Variants in HTR2C observed in about 807,000 individuals in gnomAD.
HTR2C encodes the protein 5-hydroxytryptamine (serotonin) receptor 2C, G protein-coupled.
Under a neutral mutation model 21.0 loss-of-function variants are expected in HTR2C, and 5 were observed. The ratio of observed to expected loss-of-function variants is 0.24; its 90% CI spans 0.12 to 0.50. The LOEUF (loss-of-function observed/expected upper bound fraction) is 0.50, where lower values mean the gene tolerates loss of function less well. HTR2C is among the 20% of genes least tolerant of loss of function. The probability of loss-of-function intolerance (pLI) is 0.98; values close to 1 mark genes in which losing one functional copy is unlikely to be tolerated. For synonymous variants in HTR2C, 150 were observed against 145.3 expected (o/e 1.03, Z -0.23); for missense variants, 271 against 371.2 (o/e 0.73, Z 2.22).
At chrX:114,710,667 T>G (rs1445386710) in intron 2 of HTR2C, among the ~76,000 whole-genome samples, 1 of 111,867 alleles carries the variant, frequency 8.9e-6, no homozygotes, top group African/African-American at 3.2e-5. Context: ...TTTAATAGTT[T>G]TTCTTGTTGA....
At chrX:114,610,846 C>T (rs1445718872) in intron 1 of HTR2C, among the ~76,000 whole-genome samples, 1 of 111,052 alleles carries the variant, frequency 9.0e-6, no homozygotes, top group Admixed American at 9.6e-5. Flanking sequence ...ATGATAGATG[C>T]AAAATGTTAA....
intron 4 of HTR2C, among the ~76,000 whole-genome samples, chrX:114,757,762 CAATTTCAATTTGCAATCATCATTTT>C (rs2069827891): frequency 8.9e-6 from 1 of 111,997 alleles, no homozygotes; most frequent in Admixed American, 9.5e-5. Flanking sequence ...TTATATTCTA[CAATTTCAATTTGCAATCATCATTTT>C]ATTGTTTAAC....
rs1211272169 is a variant in HTR2C at position 114,638,632 on chromosome X, G to A, written c.-80+24751G>A. Among the ~76,000 whole-genome samples the A allele has an allele frequency of 2.8e-3, 287 of 102,524 alleles. 1 individual carries two copies. The highest frequency in any genetic ancestry group is 3.6e-3 in the Non-Finnish European group (180 of 50,346). 89.0% of individuals were successfully genotyped at this position (102,524 alleles called of 115,157 possible). A position where few individuals can be genotyped will look rare whatever the true frequency, so the allele number is the denominator to read the frequency against. On this transcript the variant is annotated intron_variant, in intron 2 of 5. Transcript: ENST00000276198. ...GCTGGTGCACTGCACCCACTAGCTC[G>A]TCATCTAGCATTAGGTATATCTCCC...
intron 2 of HTR2C, among the ~76,000 whole-genome samples, chrX:114,692,279 T>C (rs1476812213): frequency 8.9e-6 from 1 of 112,001 alleles, no homozygotes; most frequent in African/African-American, 3.2e-5. Context: ...CCCACTCATT[T>C]CATAATAAGA....
chrX:114,676,568 C>A (rs1931569823), intron 2 of HTR2C, among the ~76,000 whole-genome samples: 1 of 112,160 alleles, frequency 8.9e-6, no homozygotes, highest in Non-Finnish European at 1.9e-5. Context: ...TTGTAATCTG[C>A]AAGAGTAACA....
At chrX:114,759,526 A>T (rs1303337132) in intron 4 of HTR2C, among the ~76,000 whole-genome samples, 1 of 112,272 alleles carries the variant, frequency 8.9e-6, no homozygotes, top group East Asian at 2.8e-4. Context: ...TATAAATTGC[A>T]TCTATAAAAA....
rs186489399 is a variant in HTR2C, at chrX:114,613,841, C to A, written c.-120C>A. 1.6e-3 allele frequency: 176 copies of A among 111,466 alleles called. No homozygotes were observed. Among genetic ancestry groups the A allele is most frequent in the African/African-American group, 5.6e-3 (170 of 30,557 alleles). 9.2% of individuals were successfully genotyped at this position (111,466 alleles called of 1,213,427 possible). ...GTTATCAGCTAACACCCGCGAGCAT[C>A]TATAACATAGGCCAACTGACGCCAT... On this transcript the variant is annotated 5_prime_UTR_variant, in exon 2 of 6. Coordinates refer to ENST00000276198, the MANE Select transcript of HTR2C (RefSeq NM_000868.4).
chrX:114,757,034 A>C (rs1263466996), intron 4 of HTR2C, among the ~76,000 whole-genome samples: 4 of 111,549 alleles, frequency 3.6e-5, no homozygotes, highest in Non-Finnish European at 7.5e-5. Flanking sequence ...GTGAGGAATA[A>C]TACATAGAAA....
chrX:114,739,374 T>C (rs1222880885), intron 4 of HTR2C, among the ~76,000 whole-genome samples: 2 of 111,834 alleles, frequency 1.8e-5, no homozygotes, highest in East Asian at 5.6e-4. Context: ...TATCTCACAC[T>C]TCATAAGAAA....
At chrX:114,895,143 GA>G (rs1197473859) in intron 5 of HTR2C, among the ~76,000 whole-genome samples, 1 of 112,110 alleles carries the variant, frequency 8.9e-6, no homozygotes, top group Non-Finnish European at 1.9e-5. Flanking sequence ...GAAGCATATA[GA>G]AAGTGTACAT....
intron 2 of HTR2C, among the ~76,000 whole-genome samples, chrX:114,681,666 A>G (rs960100161): frequency 9.0e-6 from 1 of 111,538 alleles, no homozygotes; most frequent in Non-Finnish European, 1.9e-5. Context: ...AATGTGAAAA[A>G]CACTCTTTTG....
intron 2 of HTR2C, among the ~76,000 whole-genome samples, chrX:114,631,124 C>T (rs1929602159): frequency 9.0e-6 from 1 of 110,831 alleles, no homozygotes; most frequent in Non-Finnish European, 1.9e-5. Flanking sequence ...GCCAACGTGG[C>T]GAAACCCGTC....
intron 2 of HTR2C, among the ~76,000 whole-genome samples, chrX:114,675,274 C>CA (rs1429092861): frequency 9.0e-6 from 1 of 111,335 alleles, no homozygotes; most frequent in Non-Finnish European, 1.9e-5. Context: ...TAAAAATAGA[C>CA]AATAAAACCC....
At chrX:114,786,783 C>G (rs782658990) in intron 4 of HTR2C, among the ~76,000 whole-genome samples, 3 of 111,372 alleles carry the variant, frequency 2.7e-5, no homozygotes, top group African/African-American at 6.5e-5. Context: ...ATCACATAGT[C>G]CAGTGTAACA....
At chrX:114,797,315 CT>C (rs1569494883) in intron 4 of HTR2C, among the ~76,000 whole-genome samples, 1 of 111,249 alleles carries the variant, frequency 9.0e-6, no homozygotes, top group African/African-American at 3.3e-5. Context: ...ATATTTTTGT[CT>C]CTCTATATCT....
intron 2 of HTR2C, among the ~76,000 whole-genome samples, chrX:114,621,487 G>A (rs1192235204): frequency 2.7e-5 from 3 of 111,485 alleles, no homozygotes; most frequent in African/African-American, 6.5e-5. Context: ...TTTTTCAATC[G>A]TATAAAAACA....
chrX:114,807,393 C>A lies in HTR2C; in HGVS notation c.350-40610C>A, dbSNP rs12385187. ...TCTATACCATATATATACGCCATATCTATACCATATATATACGCCATATCT... is the reference window on the plus strand; with the variant it reads ...TCTATACCATATATATACGCCATATATATACCATATATATACGCCATATCT... On this transcript the variant is annotated intron_variant, in intron 4 of 5. Transcript: ENST00000276198. 2.2e-4 allele frequency among the ~76,000 whole-genome samples: 5 copies of A among 22,989 alleles called. 1 individual carries two copies. The highest frequency in any genetic ancestry group is 7.0e-4 in the African/African-American group (5 of 7,188). 20.0% of individuals were successfully genotyped at this position (22,989 alleles called of 115,157 possible).
intron 5 of HTR2C, among the ~76,000 whole-genome samples, chrX:114,850,568 G>A (rs1482580692): frequency 9.0e-6 from 1 of 111,537 alleles, no homozygotes; most frequent in African/African-American, 3.3e-5. Flanking sequence ...TCAGAAGGTT[G>A]AGGCAGGAGC....
At chrX:114,762,274 T>A (rs782267443) in intron 4 of HTR2C, among the ~76,000 whole-genome samples, 4 of 110,149 alleles carry the variant, frequency 3.6e-5, no homozygotes, top group African/African-American at 1.3e-4. Flanking sequence ...GGAAAGAGGG[T>A]TTGGGAATGG....
Sources: gnomAD v4.1 joint callset for allele counts (sites outside exome capture counted in the v4.1 genomes callset) on GRCh38, gnomAD v4.1.1 for gene constraint, MANE v1.5 for transcripts, NCBI Gene and HGNC (gene_info 2026-07-23, HGNC 2026-07-21) for gene names.